The following LRRTM3 variants were observed in gnomAD, a reference collection of about 807,000 sequenced individuals.
The protein encoded by LRRTM3 is leucine rich repeat transmembrane neuronal 3, also known as leucine-rich repeat transmembrane neuronal protein 3.
LRRTM3 carries 24 observed loss-of-function variants against 44.7 expected under a neutral mutation model. That is an observed-to-expected ratio of 0.54 (90% CI 0.39 to 0.76). The LOEUF is 0.76. LRRTM3 is among the 30% of genes least tolerant of loss of function. The pLI is 0.00. For synonymous variants in LRRTM3, 277 were observed against 278.7 expected, an observed-to-expected ratio of 0.99 and a Z score of 0.06; for missense variants, 587 against 702.2, an observed-to-expected ratio of 0.84 and a Z score of 1.85.
intron 2 of LRRTM3, among the ~76,000 whole-genome samples, chr10:67,048,156 C>A (rs1040154900): frequency 2.0e-5 from 3 of 152,062 alleles, no homozygotes; most frequent in Non-Finnish European, 4.4e-5. Context: ...TACCTCTGTT[C>A]ATCCCCTGCC....
chr10:67,059,038 C>T (rs1855605502), intron 2 of LRRTM3, among the ~76,000 whole-genome samples: 1 of 152,156 alleles, frequency 6.6e-6, no homozygotes, highest in South Asian at 2.1e-4. Context: ...CTAAGAAGGA[C>T]ATTTCTCACA....
At chr10:67,097,131 CTAGT>C (rs1858045884) in intron 2 of LRRTM3, among the ~76,000 whole-genome samples, 2 of 151,660 alleles carry the variant, frequency 1.3e-5, no homozygotes, top group South Asian at 4.1e-4. Context: ...AGGGGGTTGA[CTAGT>C]TAAAGAAGTG....
chr10:67,005,033 A>G (rs1925616), intron 2 of LRRTM3, among the ~76,000 whole-genome samples: 79,662 of 152,064 alleles, frequency 0.52, 21,578 homozygotes, highest in Middle Eastern at 0.73. Context: ...GATAATCACA[A>G]AAACAGGAAA....
At chr10:67,053,477 T>C (rs1418321020) in intron 2 of LRRTM3, among the ~76,000 whole-genome samples, 1 of 152,214 alleles carries the variant, frequency 6.6e-6, no homozygotes, top group African/African-American at 2.4e-5. Context: ...TTTGCCAGGC[T>C]GCCCATCAGT....
At chr10:66,979,790 C>T (rs994541175) in intron 2 of LRRTM3, among the ~76,000 whole-genome samples, 5 of 152,028 alleles carry the variant, frequency 3.3e-5, no homozygotes, top group South Asian at 2.1e-4. Context: ...CAAAATTTCC[C>T]AAAATTTTAT....
intron 2 of LRRTM3, among the ~76,000 whole-genome samples, chr10:66,970,436 T>C (rs1252923805): frequency 1.3e-5 from 2 of 150,270 alleles, no homozygotes; most frequent in East Asian, 3.9e-4. Flanking sequence ...CATGGTAATA[T>C]TACATTTGAG....
Position 67,001,098 on chromosome 10 carries a change from C to T in LRRTM3, c.1536+72646C>T, listed in dbSNP as rs143299585. On this transcript the variant is annotated intron_variant, in intron 2 of 2. Coordinates refer to ENST00000361320, the MANE Select transcript of LRRTM3 (RefSeq NM_178011.5). ...TGGGTGGATCATGAGGTCAGGAGATCGAGACCATCCTGGCCAACATGATGA... is the reference window on the plus strand; with the variant it reads ...TGGGTGGATCATGAGGTCAGGAGATTGAGACCATCCTGGCCAACATGATGA... 4.1e-3 allele frequency among the ~76,000 whole-genome samples: 624 copies of T among 151,672 alleles called. 14 individuals carry two copies. In the East Asian group the frequency reaches 0.063, roughly 15 times the overall value.
At chr10:66,998,547 G>T (rs73317143) in intron 2 of LRRTM3, among the ~76,000 whole-genome samples, 1,546 of 152,110 alleles carry the variant, frequency 0.01, 26 homozygotes, top group African/African-American at 0.034. Flanking sequence ...AAAATAAAAA[G>T]ATGAAGAATG....
chr10:66,971,371 A>G (rs1849715063), intron 2 of LRRTM3, among the ~76,000 whole-genome samples: 2 of 152,140 alleles, frequency 1.3e-5, no homozygotes, highest in Non-Finnish European at 2.9e-5. Flanking sequence ...GGTTGCAGTG[A>G]GCCGAGATCG....
chr10:67,041,573 C>G (rs1854397250), intron 2 of LRRTM3, among the ~76,000 whole-genome samples: 1 of 152,072 alleles, frequency 6.6e-6, no homozygotes, highest in Non-Finnish European at 1.5e-5. Context: ...TTGACTGGCT[C>G]ATAAAAGCAA....
At chr10:66,979,781 A>G (rs1023033571) in intron 2 of LRRTM3, among the ~76,000 whole-genome samples, 7 of 152,222 alleles carry the variant, frequency 4.6e-5, no homozygotes, top group African/African-American at 1.7e-4. Flanking sequence ...CAGCTTTTTC[A>G]AAATTTCCCA....
chr10:67,037,376 A>T (rs1373344608), intron 2 of LRRTM3, among the ~76,000 whole-genome samples: 2 of 128,886 alleles, frequency 1.6e-5, no homozygotes, highest in East Asian at 4.1e-4. Context: ...TCTAAAAAAA[A>T]AAAAGAAAAA....
chr10:66,988,225 C>T (rs191790402), intron 2 of LRRTM3, among the ~76,000 whole-genome samples: 1 of 152,122 alleles, frequency 6.6e-6, no homozygotes, highest in East Asian at 1.9e-4. Flanking sequence ...TAAAAATGAT[C>T]CCCAAAATAA....
At chr10:67,007,871 A>G (rs764678604) in intron 2 of LRRTM3, among the ~76,000 whole-genome samples, 4 of 152,096 alleles carry the variant, frequency 2.6e-5, no homozygotes, top group Non-Finnish European at 5.9e-5. Context: ...TGATAAAAAT[A>G]TATACAAAGG....
In LRRTM3 at chr10:67,100,205, T is replaced by A. The variant is rs1165162606; in HGVS notation, c.*2409T>A. 1.3e-5 allele frequency among the ~76,000 whole-genome samples: 2 copies of A among 151,724 alleles called. No individual in the cohort carries two copies. Among genetic ancestry groups the A allele is most frequent in the African/African-American group, 4.8e-5 (2 of 41,372 alleles). On this transcript the variant is annotated 3_prime_UTR_variant, in exon 3 of 3. Coordinates refer to ENST00000361320, the MANE Select transcript of LRRTM3 (RefSeq NM_178011.5). ...TTCCTGAAGGAAACCACTTTCTTTC[T>A]TAAATATTTTAAATTCATCTAAAGT... is the stretch of plus-strand genomic sequence containing the variant.
intron 2 of LRRTM3, among the ~76,000 whole-genome samples, chr10:67,008,491 C>G (rs1852136004): frequency 6.6e-6 from 1 of 151,982 alleles, no homozygotes; most frequent in South Asian, 2.1e-4. Context: ...TACAGGGTGG[C>G]TATTCAATTT....
chr10:67,078,778 C>G (rs545738690), intron 2 of LRRTM3, among the ~76,000 whole-genome samples: 20 of 152,108 alleles, frequency 1.3e-4, no homozygotes, highest in Admixed American at 2.6e-4. Context: ...GGCCCCCCAA[C>G]GTGCTGAGAT....
chr10:66,951,260 C>A (rs958426671), intron 2 of LRRTM3, among the ~76,000 whole-genome samples: 5 of 151,952 alleles, frequency 3.3e-5, no homozygotes, highest in Non-Finnish European at 7.4e-5. Context: ...GGATTATAGG[C>A]ATGCACCACC....
chr10:67,079,035 T>C (rs1048932081), intron 2 of LRRTM3, among the ~76,000 whole-genome samples: 3 of 152,126 alleles, frequency 2.0e-5, no homozygotes, highest in African/African-American at 7.2e-5. Flanking sequence ...CTTAATCCAC[T>C]TCAACTAGAA....
Sources: gnomAD v4.1 joint callset for allele counts (sites outside exome capture counted in the v4.1 genomes callset) on GRCh38, gnomAD v4.1.1 for gene constraint, MANE v1.5 for transcripts, NCBI Gene and HGNC (gene_info 2026-07-23, HGNC 2026-07-21) for gene names.